RUNDC3B: variants seen among roughly 807,000 people sequenced by gnomAD.
The protein encoded by RUNDC3B is RUN domain-containing protein 3B.
RUNDC3B carries 33 observed loss-of-function variants against 58.4 expected under a neutral mutation model. The observed-to-expected ratio is 0.56, with a 90% confidence interval of 0.43 to 0.75. The LOEUF is 0.75. Among genes scored for constraint, RUNDC3B ranks in the 30% least tolerant of loss-of-function variants. RUNDC3B has a pLI of 0.00. For synonymous variants in RUNDC3B, 193 were observed against 195.2 expected (o/e 0.99, Z 0.10); for missense variants, 501 against 535.7 (o/e 0.94, Z 0.64).
chr7:87,817,728 A>C (rs1246503128), intron 10 of RUNDC3B, among the ~76,000 whole-genome samples: 1 of 152,138 alleles, frequency 6.6e-6, no homozygotes, highest in African/African-American at 2.4e-5. Context: ...GGCATGCTCT[A>C]TCATACTGCC....
chr7:87,669,036 T>A (rs1374904780), intron 2 of RUNDC3B, among the ~76,000 whole-genome samples: 1 of 127,232 alleles, frequency 7.9e-6, no homozygotes, highest in Admixed American at 7.7e-5. Flanking sequence ...TCTTTGTTAA[T>A]TGTCTGCCTC....
chr7:87,707,408 G>A (rs989254642), intron 3 of RUNDC3B, among the ~76,000 whole-genome samples: 1 of 152,068 alleles, frequency 6.6e-6, no homozygotes, highest in African/African-American at 2.4e-5. Flanking sequence ...GGCCGGGTGT[G>A]ATGGCCTTTA....
intron 1 of RUNDC3B, among the ~76,000 whole-genome samples, chr7:87,649,454 G>C (rs905018021): frequency 6.6e-6 from 1 of 152,118 alleles, no homozygotes; most frequent in Non-Finnish European, 1.5e-5. Flanking sequence ...GTAGCAGTAA[G>C]ATAAATTGTA....
At chr7:87,824,870 AAG>A (rs1309657747) in intron 10 of RUNDC3B, among the ~76,000 whole-genome samples, 1 of 152,158 alleles carries the variant, frequency 6.6e-6, no homozygotes, top group Non-Finnish European at 1.5e-5. Context: ...TTGAACTTGA[AAG>A]AGATGATTTA....
chr7:87,825,898 A>G (rs976993715), intron 10 of RUNDC3B, among the ~76,000 whole-genome samples: 1 of 152,196 alleles, frequency 6.6e-6, no homozygotes, highest in Non-Finnish European at 1.5e-5. Context: ...AGTTTGGAAC[A>G]GCTGTATCTA....
At chr7:87,716,014 T>C (rs1464497021) in intron 4 of RUNDC3B, among the ~76,000 whole-genome samples, 1 of 152,020 alleles carries the variant, frequency 6.6e-6, no homozygotes, top group Non-Finnish European at 1.5e-5. Context: ...AGAGTAGGAA[T>C]ACAAAGAATA....
intron 2 of RUNDC3B, among the ~76,000 whole-genome samples, chr7:87,680,735 C>G (rs1386505571): frequency 6.7e-6 from 1 of 149,812 alleles, no homozygotes; most frequent in East Asian, 2.0e-4. Flanking sequence ...GCGGAGGGTG[C>G]AGTGAGCCAA....
chr7:87,786,985 T>C (rs964547538), intron 8 of RUNDC3B, among the ~76,000 whole-genome samples: 6 of 152,300 alleles, frequency 3.9e-5, no homozygotes, highest in Admixed American at 3.9e-4. Context: ...AGAATTAGAC[T>C]ATTTTCTTGA....
chr7:87,782,729 T>C (rs932567105), intron 8 of RUNDC3B, among the ~76,000 whole-genome samples: 1 of 152,142 alleles, frequency 6.6e-6, no homozygotes, highest in Admixed American at 6.6e-5. Flanking sequence ...TACTTAAAAG[T>C]TATTCAGGTG....
At chr7:87,813,518 A>T (rs978215720) in intron 9 of RUNDC3B, among the ~76,000 whole-genome samples, 8 of 152,154 alleles carry the variant, frequency 5.3e-5, no homozygotes, top group African/African-American at 1.4e-4. Flanking sequence ...AATACTAACA[A>T]GTTTTCTTAT....
chr7:87,664,388 A>C (rs566796030), intron 2 of RUNDC3B, among the ~76,000 whole-genome samples: 79 of 152,260 alleles, frequency 5.2e-4, no homozygotes, highest in African/African-American at 1.9e-3. Flanking sequence ...CTTTACTTAC[A>C]AGGAAGCAGG....
At chr7:87,656,695 A>T (rs1373318907) in intron 2 of RUNDC3B, among the ~76,000 whole-genome samples, 2 of 152,144 alleles carry the variant, frequency 1.3e-5, no homozygotes, top group Non-Finnish European at 2.9e-5. Context: ...AAAAAACCTA[A>T]TTATTTAATT....
At position 87,649,644 on chromosome 7, in the gene RUNDC3B, C is replaced by T. The variant is rs145477413; in HGVS notation, c.123-1178C>T. ...ATAAGGAAAAATATAGTACACTTTACAGATTTGCAGGTTTTGCTATTTATA... is the reference window on the plus strand; with the variant it reads ...ATAAGGAAAAATATAGTACACTTTATAGATTTGCAGGTTTTGCTATTTATA... On this transcript the variant is annotated intron_variant, in intron 1 of 10. Coordinates refer to ENST00000394654, the MANE Select transcript of RUNDC3B (RefSeq NM_001134405.2). Among the ~76,000 whole-genome samples the T allele has an allele frequency of 2.6e-4, 40 of 152,234 alleles. 1 individual carries two copies. Among genetic ancestry groups the T allele is most frequent in the Middle Eastern group, 6.8e-3 (2 of 294 alleles).
At chr7:87,819,212 T>G (rs896684668) in intron 10 of RUNDC3B, among the ~76,000 whole-genome samples, 2 of 152,076 alleles carry the variant, frequency 1.3e-5, no homozygotes, top group Non-Finnish European at 2.9e-5. Flanking sequence ...TCAACACCAT[T>G]AGAGGGTAAT....
At chr7:87,764,144 A>G (rs1833846144) in intron 6 of RUNDC3B, among the ~76,000 whole-genome samples, 1 of 151,810 alleles carries the variant, frequency 6.6e-6, no homozygotes, top group African/African-American at 2.4e-5. Context: ...AACATTCAAC[A>G]AAGACAATAG....
At chr7:87,686,998 A>G (rs1024914486) in intron 2 of RUNDC3B, among the ~76,000 whole-genome samples, 6 of 151,992 alleles carry the variant, frequency 3.9e-5, no homozygotes, top group Non-Finnish European at 7.4e-5. Flanking sequence ...ATACCAGACA[A>G]GTATAGACTG....
chr7:87,759,650 T>C (rs566516661), intron 6 of RUNDC3B, among the ~76,000 whole-genome samples: 1 of 152,036 alleles, frequency 6.6e-6, no homozygotes, highest in South Asian at 2.1e-4. Context: ...AATTAAAAAT[T>C]AGCCAGATGT....
chr7:87,720,141 G>T (rs1302543793), intron 4 of RUNDC3B, among the ~76,000 whole-genome samples: 1 of 151,946 alleles, frequency 6.6e-6, no homozygotes, highest in African/African-American at 2.4e-5. Context: ...GGGAGGAAAA[G>T]ACTAAAAATT....
chr7:87,703,936 T>TTTTTTTTTTTTG, intron 3 of RUNDC3B, among the ~76,000 whole-genome samples: 1 of 127,340 alleles, frequency 7.9e-6, no homozygotes, highest in Non-Finnish European at 1.6e-5. Context: ...TTTTTTTTTT[T>TTTTTTTTTTTTG]TTTTGAGACA....
Sources: gnomAD v4.1 joint callset for allele counts (sites outside exome capture counted in the v4.1 genomes callset) on GRCh38, gnomAD v4.1.1 for gene constraint, MANE v1.5 for transcripts, NCBI Gene and HGNC (gene_info 2026-07-23, HGNC 2026-07-21) for gene names.